The following ZNF433 variants were observed in gnomAD, a reference collection of about 807,000 sequenced individuals.
ZNF433 encodes the protein zinc finger protein 433.
A neutral mutation model predicts 10.6 loss-of-function variants in ZNF433; 12 were observed. The ratio of observed to expected loss-of-function variants is 1.13; its 90% confidence interval spans 0.72 to 1.83. The LOEUF (loss-of-function observed/expected upper bound fraction) is 1.83, where lower values mean the gene tolerates loss of function less well. ZNF433 is among the 40% of genes most tolerant of loss of function. The probability of loss-of-function intolerance (pLI) is 0.00; values close to 1 mark genes in which losing one functional copy is unlikely to be tolerated. For synonymous variants in ZNF433, 272 were observed against 271.3 expected, an observed-to-expected ratio of 1.00 and a Z score of -0.02; for missense variants, 737 against 798.0, an observed-to-expected ratio of 0.92 and a Z score of 0.92.
chr19:12,014,903 A>C lies in ZNF433; in HGVS notation c.1955T>G (p.Phe652Cys). 1 of 1,613,208 alleles carries C rather than the reference A, an allele frequency of 6.2e-7. No homozygotes were observed. Among genetic ancestry groups the C allele is most frequent in the Admixed American group, 1.7e-5 (1 of 59,960 alleles). ...CACTTGAAGTTGTGAAGAACATCTA[A>C]AGACTTTACCACATTGGTTACATTT... is the stretch of plus-strand genomic sequence containing the variant. ...PYKCNQCGKV[F>C]RCSSQLQVHG... Residue 652 changes from phenylalanine (F) to cysteine (C), a missense_variant, in exon 4 of 4, where the codon TTT (phenylalanine) becomes TGT (cysteine). Transcript: ENST00000550507.
chr19:12,014,925 A>C lies in ZNF433; in HGVS notation c.1933T>G (p.Cys645Gly). Residue 645 changes from cysteine (C) to glycine (G), a missense_variant, in exon 4 of 4, where the codon TGT becomes GGT. Coordinates refer to ENST00000550507, the MANE Select transcript of ZNF433 (RefSeq NM_001308348.2). Reference protein sequence around the residue: ...RTHTGEKPYKCNQCGKVFRCS... With the variant: ...RTHTGEKPYKGNQCGKVFRCS... The stretch of plus-strand genomic sequence containing the variant: ...CTAAAGACTTTACCACATTGGTTAC[A>C]TTTATAGGGTTTCTCTCCAGTGTGA... 1 of 1,614,004 alleles carries C rather than the reference A, an allele frequency of 6.2e-7. No individual in the cohort carries two copies. Among genetic ancestry groups the C allele is most frequent in the South Asian group, 1.1e-5 (1 of 91,078 alleles).
chr19:12,027,201 G>A (rs529204415), intron 1 of ZNF433: 1 of 404,762 alleles, frequency 2.5e-6, no homozygotes, highest in Non-Finnish European at 4.7e-6. Flanking sequence ...ACACTTGGAG[G>A]CTCTGTGATT....
chr19:12,016,752 T>C (rs1974225186), intron 3 of ZNF433, 86 bp from the exon 4 acceptor site: 4 of 1,486,820 alleles, frequency 2.7e-6, no homozygotes, highest in African/African-American at 2.8e-5. Context: ...GCATTTTTTC[T>C]CTTTTTTTTG....
At position 12,031,229 on chromosome 19, in the gene ZNF433, G is replaced by C. The variant is rs184087543; in HGVS notation, c.3+4308C>G. The stretch of plus-strand genomic sequence containing the variant: ...GAGATTTGCTTGAACCCAGGAGGCG[G>C]AGGTTGCAGTGAGCAGAGATTGCGC... On this transcript the variant is annotated intron_variant, in intron 1 of 3. Transcript: ENST00000550507. Among the ~76,000 whole-genome samples, 48 of 150,390 alleles carry C rather than the reference G, an allele frequency of 3.2e-4. 1 individual carries two copies. In the East Asian group the frequency reaches 8.6e-3, roughly 27 times the overall value.
At position 12,015,145 on chromosome 19, in the gene ZNF433, G is replaced by A. The variant is rs1277733680; in HGVS notation, c.1713C>T (p.Ala571=). ...TCCTTCCATGCATTTGAAGGTGTGA[G>A]GCAGATCCAAAGGCTTTCCCACACT... ...CKQCGKAFGS[A]SHLQMHGRTH... Residue 571 remains alanine (A), a synonymous_variant, in exon 4 of 4, where the codon GCC becomes GCT. Transcript: ENST00000550507. The A allele has an allele frequency of 1.9e-6, 3 of 1,613,528 alleles. No homozygotes were observed. Among genetic ancestry groups the A allele is most frequent in the East Asian group, 2.2e-5 (1 of 44,878 alleles).
intron 1 of ZNF433, 32 bp downstream of exon 1, chr19:12,035,505 C>G: frequency 1.3e-6 from 2 of 1,565,088 alleles, no homozygotes; most frequent in Non-Finnish European, 1.7e-6. Context: ...CAGCTCCTCC[C>G]CCGCCTCGGG....
Position 12,015,397 on chromosome 19 carries a change from G to A in ZNF433, c.1461C>T (p.Pro487=). ...TCCTTTCATGTCTATGAAATAAACT[G>A]GGCAAACTGAATGTTTTCCCATAAC... ...CKGYGKTFSL[P]SLFHRHERTH... is the part of the protein sequence containing the mutation. The change falls in exon 4 of 4, where the codon CCC becomes CCT. Residue 487 remains proline (P), a synonymous_variant. Transcript: ENST00000550507. 1.2e-6 allele frequency: 2 copies of A among 1,614,126 alleles called. No individual in the cohort carries two copies. Among genetic ancestry groups the A allele is most frequent in the Non-Finnish European group, 1.7e-6 (2 of 1,180,008 alleles).
rs374344018 is a variant in ZNF433 at position 12,015,302 on chromosome 19, C to T, written c.1556G>A (p.Arg519Gln). 366 of 1,611,366 alleles carry T rather than the reference C, an allele frequency of 2.3e-4. No homozygotes were observed. Among genetic ancestry groups the T allele is most frequent in the South Asian group, 2.1e-3 (189 of 90,914 alleles). ...TCCAGTGTGAGTCCTTCCATGATAT[C>T]GAAAGGAGCTCGAACAGTTGAAGGA... Reference protein sequence around the residue: ...GRSFNCSSSFRYHGRTHTGEK... With the variant: ...GRSFNCSSSFQYHGRTHTGEK... Residue 519 changes from arginine (R) to glutamine (Q), a missense_variant, in exon 4 of 4, where the codon CGA becomes CAA. Physicochemically the swap from Arg to Gln is conservative, Grantham distance 43 (BLOSUM62 1). Transcript: ENST00000550507.
At chr19:12,034,162 AAACAAT>A (rs1975167672) in intron 1 of ZNF433, among the ~76,000 whole-genome samples, 3 of 152,240 alleles carry the variant, frequency 2.0e-5, no homozygotes, top group African/African-American at 4.8e-5. Flanking sequence ...TGGCCTGAGA[AAACAAT>A]AACAAGTTAC....
intron 3 of ZNF433, 104 bp from the exon 4 acceptor site, chr19:12,016,770 G>A: frequency 1.4e-6 from 2 of 1,399,114 alleles, no homozygotes; most frequent in Non-Finnish European, 1.9e-6. Flanking sequence ...TTGAGATGGA[G>A]TCTCACTCTC....
chr19:12,014,974 T>C lies in ZNF433; in HGVS notation c.1884A>G (p.Ser628=). The C allele has an allele frequency of 6.2e-7, 1 of 1,613,248 alleles. No individual in the cohort carries two copies. The highest frequency in any genetic ancestry group is 8.5e-7 in the Non-Finnish European group (1 of 1,179,758). Reference sequence around the variant, plus strand: ...GAGTCCTTCCATGCCTTCGAAGGTTTGAGGGACATCCAAAAGCTTTCCCAC... The same window carrying C: ...GAGTCCTTCCATGCCTTCGAAGGTTCGAGGGACATCCAAAAGCTTTCCCAC... The part of the protein sequence containing the change: ...KQCGKAFGCP[S]NLRRHGRTHT... The change falls in exon 4 of 4, where the codon TCA becomes TCG. Residue 628 remains serine (S), a synonymous_variant. Coordinates refer to ENST00000550507, the MANE Select transcript of ZNF433 (RefSeq NM_001308348.2).
chr19:12,016,146 G>C lies in ZNF433; in HGVS notation c.712C>G (p.Leu238Val). 6.2e-7 allele frequency: 1 copy of C among 1,613,950 alleles called. No individual in the cohort carries two copies. The highest frequency in any genetic ancestry group is 8.5e-7 in the Non-Finnish European group (1 of 1,179,984). Residue 238 changes from leucine to valine, a missense_variant, in exon 4 of 4, where the codon CTT becomes GTT. By Grantham distance (32) the Leu-to-Val change is conservative. Transcript: ENST00000550507. The part of the protein sequence containing the change: ...CGKAFSHSSS[L>V]RIHERTHTGE... ...GTGTGAGTTCTTTCATGTATTCGAA[G>C]GCTACTAGAATGACTAAAGGCTTTA... is the stretch of plus-strand genomic sequence containing the variant.
At chr19:12,016,687 A>C (rs780759437) in intron 3 of ZNF433, 21 bp from the exon 4 acceptor site, 5 of 1,602,160 alleles carry the variant, frequency 3.1e-6, no homozygotes, top group Non-Finnish European at 3.4e-6. Flanking sequence ...TAAGAAGTAC[A>C]TTATAATGGG....
chr19:12,035,312 A>G (rs1975235921), intron 1 of ZNF433, among the ~76,000 whole-genome samples: 1 of 152,084 alleles, frequency 6.6e-6, no homozygotes, highest in African/African-American at 2.4e-5. Context: ...GGCTCTGGGA[A>G]CTGGGTGACA....
chr19:12,017,735 A>G (rs960786551), intron 3 of ZNF433, 141 bp downstream of exon 3: 6 of 633,244 alleles, frequency 9.5e-6, no homozygotes, highest in Non-Finnish European at 1.6e-5. Context: ...ACACTTCAAT[A>G]TGTGTTTAGA....
rs766838430 is a variant in ZNF433 at position 12,015,349 on chromosome 19, A to G, written c.1509T>C (p.Tyr503=). ...AGGATCTGCCACACTGCTTGCATTC[A>G]TAGGTTTTTCCTCCAGTGTGAGTCC... ...HERTHTGGKT[Y]ECKQCGRSFN... is the part of the protein sequence containing the mutation. Residue 503 remains tyrosine, a synonymous_variant, in exon 4 of 4, where the codon TAT becomes TAC. Transcript: ENST00000550507. 1.9e-6 allele frequency: 3 copies of G among 1,614,062 alleles called. No homozygotes were observed. The highest frequency in any genetic ancestry group is 2.2e-5 in the East Asian group (1 of 44,874).
chr19:12,018,888 C>CA (rs1418904230), intron 1 of ZNF433, among the ~76,000 whole-genome samples: 1 of 150,474 alleles, frequency 6.6e-6, no homozygotes, highest in African/African-American at 2.4e-5. Flanking sequence ...GACTCGGTCT[C>CA]AAAAAAATAA....
rs183697685 is a variant in ZNF433 at position 12,024,542 on chromosome 19, T to C, written c.4-6250A>G. On this transcript the variant is annotated intron_variant, in intron 1 of 3. Coordinates refer to ENST00000550507, the MANE Select transcript of ZNF433 (RefSeq NM_001308348.2). ...ACAACCTGCTCTAGGCATTCCTACCTATGCTATGAGTAATCTGTTTTCTAT... is the reference window on the plus strand; with the variant it reads ...ACAACCTGCTCTAGGCATTCCTACCCATGCTATGAGTAATCTGTTTTCTAT... 3.3e-5 allele frequency: 5 copies of C among 152,364 alleles called. No individual in the cohort carries two copies. The East Asian group carries it at 9.6e-4, about 29-fold the overall frequency. 9.4% of individuals were successfully genotyped at this position (152,364 alleles called of 1,614,324 possible).
At chr19:12,029,295 G>A (rs1974886851) in intron 1 of ZNF433, among the ~76,000 whole-genome samples, 1 of 152,038 alleles carries the variant, frequency 6.6e-6, no homozygotes, top group South Asian at 2.1e-4. Flanking sequence ...GTGGAGGTGG[G>A]CGCATCACCT....
Sources: allele counts gnomAD v4.1 joint callset (sites outside exome capture counted in the v4.1 genomes callset), GRCh38; gene constraint gnomAD v4.1.1; transcripts MANE v1.5; gene names NCBI Gene and HGNC (gene_info 2026-07-23, HGNC 2026-07-21).